UBR2: variants seen among roughly 807,000 people sequenced by gnomAD.
The protein encoded by UBR2 is ubiquitin protein ligase E3 component n-recognin 2.
A neutral mutation model predicts 247.9 loss-of-function variants in UBR2; 92 were observed. The observed-to-expected ratio is 0.37, with a 90% confidence interval of 0.31 to 0.44. UBR2 has a LOEUF of 0.44. Ranked by LOEUF, UBR2 falls within the 20% of genes least tolerant of loss-of-function variation. The pLI, the probability that UBR2 is intolerant of heterozygous loss-of-function variation, is 1.00. For synonymous variants in UBR2, 672 were observed against 693.5 expected (o/e 0.97, Z 0.49); for missense variants, 1,613 against 2,112.6 (o/e 0.76, Z 4.64).
At chr6:42,652,451 G>A (rs1237686738) in intron 24 of UBR2, 40 bp from the exon 25 acceptor site, 1 of 1,567,380 alleles carries the variant, frequency 6.4e-7, no homozygotes, top group African/African-American at 1.4e-5. Context: ...TCTAAAGCAT[G>A]TTCTGTAAAA....
intron 7 of UBR2, among the ~76,000 whole-genome samples, chr6:42,607,707 C>G (rs1793799561): frequency 1.8e-5 from 1 of 54,828 alleles, no homozygotes; most frequent in Non-Finnish European, 3.5e-5. Context: ...CCACCACTCC[C>G]AGCTGTTTTT....
chr6:42,603,658 A>G lies in UBR2; in HGVS notation c.602A>G (p.Tyr201Cys). Residue 201 changes from tyrosine to cysteine, a missense_variant, in exon 5 of 47, where the codon TAT becomes TGT. Coordinates refer to ENST00000372901, the MANE Select transcript of UBR2 (RefSeq NM_001363705.2). ...TYNIFAITFR[Y>C]AVEILTWEKE... ...AACATTTTTGCTATTACGTTTCGGT[A>G]TGCAGTAGAAATATTAACCTGGGAA... The G allele has an allele frequency of 1.2e-6, 2 of 1,601,960 alleles. No individual in the cohort carries two copies. The highest frequency in any genetic ancestry group is 1.7e-6 in the Non-Finnish European group (2 of 1,177,312).
intron 36 of UBR2, among the ~76,000 whole-genome samples, chr6:42,671,162 G>A (rs1211079215): frequency 6.8e-6 from 1 of 146,642 alleles, no homozygotes; most frequent in Non-Finnish European, 1.5e-5. Context: ...TCCAGCCTGG[G>A]CAACAAGAGT....
intron 36 of UBR2, among the ~76,000 whole-genome samples, chr6:42,672,732 TAGAA>T (rs1441009896): frequency 1.3e-5 from 2 of 152,080 alleles, no homozygotes; most frequent in Non-Finnish European, 2.9e-5. Context: ...TCCCTTCCCT[TAGAA>T]AGCCCTCTGA....
intron 14 of UBR2, among the ~76,000 whole-genome samples, chr6:42,636,351 C>T (rs1327350708): frequency 6.6e-6 from 1 of 151,746 alleles, no homozygotes; most frequent in East Asian, 1.9e-4. Flanking sequence ...GCTAATTTTT[C>T]TATTTTTTGT....
intron 7 of UBR2, among the ~76,000 whole-genome samples, chr6:42,611,034 C>T (rs1269718677): frequency 1.3e-5 from 2 of 150,286 alleles, no homozygotes; most frequent in Non-Finnish European, 3.0e-5. Flanking sequence ...TTAGTAGAGA[C>T]GGGGTTTCAC....
rs576036792 is a variant in UBR2, at chr6:42,614,217, TACACACACAC to T, written c.986-835_986-826del. 4.4e-4 allele frequency among the ~76,000 whole-genome samples: 27 copies of T among 61,852 alleles called. 1 individual carries two copies. The highest frequency in any genetic ancestry group is 9.9e-4 in the African/African-American group (17 of 17,144). 40.6% of individuals were successfully genotyped at this position (61,852 alleles called of 152,430 possible). A position where few individuals can be genotyped will look rare whatever the true frequency, so the allele number is the denominator to read the frequency against. Reference sequence around the variant, plus strand: ...AAAAAAAAAAAAAACTATATATATATACACACACACACACACACACACACACACGCGCGCA... The same window carrying T: ...AAAAAAAAAAAAAACTATATATATATACACACACACACACACACGCGCGCA... On this transcript the variant is annotated intron_variant, in intron 8 of 46. Transcript: ENST00000372901.
chr6:42,632,782 A>G (rs1238760133), intron 12 of UBR2, 23 bp from the exon 13 acceptor site: 3 of 1,590,670 alleles, frequency 1.9e-6, no homozygotes, highest in Non-Finnish European at 2.6e-6. Flanking sequence ...GTTAATTGCC[A>G]CTGTCACTTT....
Position 42,581,980 on chromosome 6 carries a change from G to C in UBR2, c.338+7987G>C, listed in dbSNP as rs911542353. Among the ~76,000 whole-genome samples the C allele has an allele frequency of 2.0e-5, 3 of 152,016 alleles. No homozygotes were observed. In the East Asian group the frequency reaches 5.8e-4, roughly 29 times the overall value. On this transcript the variant is annotated intron_variant, in intron 2 of 46. Coordinates refer to ENST00000372901, the MANE Select transcript of UBR2 (RefSeq NM_001363705.2). ...AATTTTGCACTGTTAAAAATCTGCA[G>C]CTTTTAATGATACATTTTAAGGGCT...
At position 42,632,911 on chromosome 6, in the gene UBR2, A is replaced by G; in HGVS notation, c.1545+7A>G. 3 of 1,494,428 alleles carry G rather than the reference A, an allele frequency of 2.0e-6. No homozygotes were observed. Among genetic ancestry groups the G allele is most frequent in the Non-Finnish European group, 2.7e-6 (3 of 1,118,942 alleles). The allele number at this position is 1,494,428 out of a possible 1,614,324, so 92.6% of individuals were successfully genotyped here. ...ATTACTAAAATGTATGCAGGTATGT[A>G]AAAACTGTTACACTTTTCTTTTTCC... On this transcript the variant is annotated splice_region_variant and intron_variant, in intron 13 of 46. Coordinates refer to ENST00000372901, the MANE Select transcript of UBR2 (RefSeq NM_001363705.2).
At chr6:42,657,214 G>A (rs894709101) in intron 26 of UBR2, among the ~76,000 whole-genome samples, 40 of 144,172 alleles carry the variant, frequency 2.8e-4, no homozygotes, top group African/African-American at 9.4e-4. Flanking sequence ...CAGCCTGGGC[G>A]ACAGAGTGAG....
Position 42,636,960 on chromosome 6 carries a change from T to C in UBR2, c.1675-51T>C, listed in dbSNP as rs768470075. On this transcript the variant is annotated intron_variant, in intron 14 of 46. Transcript: ENST00000372901. ...CTGAATTTAAGGTGCTTATTCAATGTTGTAAAAACTCAACCTTTTGAGTAA... is the reference window on the plus strand; with the variant it reads ...CTGAATTTAAGGTGCTTATTCAATGCTGTAAAAACTCAACCTTTTGAGTAA... 1.0e-5 allele frequency: 16 copies of C among 1,570,974 alleles called. No individual in the cohort carries two copies. In the East Asian group the frequency reaches 2.7e-4, roughly 27 times the overall value.
rs1218684419 is a variant in UBR2, at chr6:42,626,052, G to A, written c.1282-6500G>A. Among the ~76,000 whole-genome samples the A allele has an allele frequency of 4.0e-5, 6 of 151,850 alleles. No individual in the cohort carries two copies. The South Asian group carries it at 1.3e-3, about 32-fold the overall frequency. ...GATGGTCTCGATCTCCTGACCTCGT[G>A]ATCTGCCTGCCTCAGCCTCCCAAAG... On this transcript the variant is annotated intron_variant, in intron 11 of 46. Transcript: ENST00000372901.
chr6:42,565,633 T>C (rs1790735832), intron 1 of UBR2, among the ~76,000 whole-genome samples: 1 of 152,164 alleles, frequency 6.6e-6, no homozygotes, highest in Non-Finnish European at 1.5e-5. Flanking sequence ...CGATCTCAGC[T>C]CACCGCAACC....
Position 42,581,308 on chromosome 6 carries a change from G to C in UBR2, c.338+7315G>C, listed in dbSNP as rs532105069. 5.4e-4 allele frequency among the ~76,000 whole-genome samples: 82 copies of C among 151,742 alleles called. 1 individual carries two copies. The highest frequency in any genetic ancestry group is 9.9e-4 in the Non-Finnish European group (67 of 67,992). ...GGTTTCAAGCAATTCTCCCACCTCA[G>C]CCTCCTGAGTAGCTGGGATTACAGG... On this transcript the variant is annotated intron_variant, in intron 2 of 46. Coordinates refer to ENST00000372901, the MANE Select transcript of UBR2 (RefSeq NM_001363705.2).
intron 11 of UBR2, among the ~76,000 whole-genome samples, chr6:42,632,084 A>G (rs1795787455): frequency 6.9e-6 from 1 of 145,968 alleles, no homozygotes; most frequent in Non-Finnish European, 1.5e-5. Flanking sequence ...ATATATATAT[A>G]TATATATGTA....
intron 4 of UBR2, among the ~76,000 whole-genome samples, chr6:42,602,191 T>C (rs1326010870): frequency 6.6e-6 from 1 of 150,890 alleles, no homozygotes; most frequent in East Asian, 2.0e-4. Flanking sequence ...CTGGCCCTTT[T>C]TTTTTTTTCT....
chr6:42,670,994 T>C (rs563920015), intron 36 of UBR2, among the ~76,000 whole-genome samples: 37 of 152,180 alleles, frequency 2.4e-4, no homozygotes, highest in Non-Finnish European at 5.1e-4. Flanking sequence ...AAGACCAGCC[T>C]GACCAACATG....
intron 43 of UBR2, among the ~76,000 whole-genome samples, chr6:42,683,818 A>G (rs1332217049): frequency 6.6e-6 from 1 of 152,196 alleles, no homozygotes; most frequent in Admixed American, 6.5e-5. Context: ...TTACTACAGA[A>G]TCCAAACAGA....
Sources: gnomAD v4.1 joint callset for allele counts (sites outside exome capture counted in the v4.1 genomes callset) on GRCh38, gnomAD v4.1.1 for gene constraint, MANE v1.5 for transcripts, NCBI Gene and HGNC (gene_info 2026-07-23, HGNC 2026-07-21) for gene names.